OTOF: variants seen among roughly 807,000 people sequenced by gnomAD.
OTOF encodes the protein otoferlin.
OTOF carries 218 observed loss-of-function variants against 236.8 expected under a neutral mutation model. That is an observed-to-expected ratio of 0.92 (90% confidence interval 0.82 to 1.03). The LOEUF is 1.03. Ranked by LOEUF, OTOF falls within the 50% of genes least tolerant of loss-of-function variation. The pLI, the probability that OTOF is intolerant of heterozygous loss-of-function variation, is 0.00. For missense variants in OTOF, 2,590 were observed against 2,694.4 expected, an observed-to-expected ratio of 0.96 and a Z score of 0.86; for synonymous variants, 1,041 against 1,072.5, an observed-to-expected ratio of 0.97 and a Z score of 0.57.
chr2:26,553,951 T>C (rs780723396), intron 1 of OTOF, among the ~76,000 whole-genome samples: 1 of 152,000 alleles, frequency 6.6e-6, no homozygotes, highest in Admixed American at 6.6e-5. Context: ...GGCAGGCGGA[T>C]CATGAGGTCA....
intron 5 of OTOF, among the ~76,000 whole-genome samples, chr2:26,514,189 C>A (rs1029540839): frequency 1.3e-5 from 2 of 152,410 alleles, no homozygotes; most frequent in East Asian, 3.9e-4. Context: ...CAAACCTGGG[C>A]TGGCAGCCCC....
chr2:26,554,810 G>A (rs1183141124), intron 1 of OTOF, among the ~76,000 whole-genome samples: 1 of 152,154 alleles, frequency 6.6e-6, no homozygotes, highest in African/African-American at 2.4e-5. Flanking sequence ...ATGAAAAGGT[G>A]GAGGGGGATG....
At chr2:26,505,140 T>C (rs1666215954) in intron 5 of OTOF, among the ~76,000 whole-genome samples, 1 of 152,180 alleles carries the variant, frequency 6.6e-6, no homozygotes, top group Non-Finnish European at 1.5e-5. Context: ...TTACTGTTCA[T>C]ATGCAGGACA....
Position 26,558,749 on chromosome 2 carries a change from C to A in OTOF, c.-178G>T, listed in dbSNP as rs1018398194. 7 of 590,704 alleles carry A rather than the reference C, an allele frequency of 1.2e-5. No homozygotes were observed. Among genetic ancestry groups the A allele is most frequent in the Non-Finnish European group, 2.1e-5 (7 of 329,054 alleles). 36.6% of individuals were successfully genotyped at this position (590,704 alleles called of 1,614,324 possible). ...AAGCCGAGCTAAGCTGCTCCTGCAGCGACTCACAGAGCCTCACAGCCCCCG... is the reference window on the plus strand; with the variant it reads ...AAGCCGAGCTAAGCTGCTCCTGCAGAGACTCACAGAGCCTCACAGCCCCCG... On this transcript the variant is annotated 5_prime_UTR_variant, in exon 1 of 47. Transcript: ENST00000272371.
At chr2:26,516,307 C>T in intron 5 of OTOF, 111 bp downstream of exon 5, 3 of 1,007,922 alleles carry the variant, frequency 3.0e-6, no homozygotes, top group Non-Finnish European at 4.5e-6. Context: ...AAGCTCAGCC[C>T]TGTACTCTGA....
intron 2 of OTOF, among the ~76,000 whole-genome samples, chr2:26,528,772 G>A (rs763728579): frequency 1.3e-5 from 2 of 152,196 alleles, no homozygotes; most frequent in African/African-American, 2.4e-5. Flanking sequence ...CACCTTCCTG[G>A]GATGGGAAAG....
intron 1 of OTOF, among the ~76,000 whole-genome samples, chr2:26,551,397 T>C (rs755944004): frequency 6.6e-6 from 1 of 152,228 alleles, no homozygotes; most frequent in African/African-American, 2.4e-5. Flanking sequence ...TTCCGGGCTC[T>C]AGGGGCCAAC....
intron 1 of OTOF, among the ~76,000 whole-genome samples, chr2:26,545,589 T>C (rs891319327): frequency 2.0e-5 from 3 of 152,150 alleles, no homozygotes; most frequent in Non-Finnish European, 4.4e-5. Context: ...TTATGTTTAG[T>C]CTTTTAAAAT....
At chr2:26,464,185 C>T (rs1664619088) in intron 39 of OTOF, 79 bp from the exon 40 acceptor site, 27 of 1,553,500 alleles carry the variant, frequency 1.7e-5, no homozygotes, top group Non-Finnish European at 2.2e-5. Context: ...GACTTAGGAG[C>T]ACAAAGAAGC....
At chr2:26,495,376 A>G (rs1285199825) in intron 8 of OTOF, among the ~76,000 whole-genome samples, 1 of 152,222 alleles carries the variant, frequency 6.6e-6, no homozygotes, top group Non-Finnish European at 1.5e-5. Context: ...ACTGATGCCC[A>G]GGCCACCTCC....
chr2:26,546,860 A>G (rs949513816), intron 1 of OTOF, among the ~76,000 whole-genome samples: 1 of 151,826 alleles, frequency 6.6e-6, no homozygotes, highest in Non-Finnish European at 1.5e-5. Flanking sequence ...ATATATCCTG[A>G]AAACTTGCTA....
At chr2:26,466,275 G>C in intron 36 of OTOF, 199 bp from the exon 37 acceptor site, 2 of 647,138 alleles carry the variant, frequency 3.1e-6, no homozygotes, top group Non-Finnish European at 5.5e-6. Context: ...AAAAGATAAA[G>C]ACTAGACCAA....
In OTOF at chr2:26,467,080, C is replaced by T; in HGVS notation, c.4362+19G>A. 1.9e-6 allele frequency: 3 copies of T among 1,611,256 alleles called. No individual in the cohort carries two copies. Among genetic ancestry groups the T allele is most frequent in the Non-Finnish European group, 1.7e-6 (2 of 1,179,770 alleles). On this transcript the variant is annotated intron_variant, in intron 35 of 46. Coordinates refer to ENST00000272371, the MANE Select transcript of OTOF (RefSeq NM_194248.3). ...AGGGCTGGCGGGTGCTCAGGCTGGG[C>T]CCGTGCTCCTGGCCTGACCTTGAAG... is the stretch of plus-strand genomic sequence containing the variant.
rs1212517593 is a variant in OTOF, at chr2:26,467,403, C to A, written c.4189G>T (p.Ala1397Ser). The change falls in exon 34 of 47, where the codon GCC (alanine) becomes TCC (serine). Residue 1397 changes from alanine (A) to serine (S), a missense_variant. By Grantham distance (99) the Ala-to-Ser change is moderately conservative. Coordinates refer to ENST00000272371, the MANE Select transcript of OTOF (RefSeq NM_194248.3). ...ATCTTGGGTTTCTTCTTCTCGGGGG[C>A]CTCGGACCCCTGGCCAGAGCCAGAG... ...QSSGSGQGSE[A>S]PEKKKPKIDE... 1 of 1,613,854 alleles carries A rather than the reference C, an allele frequency of 6.2e-7. No individual in the cohort carries two copies. The highest frequency in any genetic ancestry group is 1.1e-5 in the South Asian group (1 of 91,040).
intron 8 of OTOF, among the ~76,000 whole-genome samples, chr2:26,499,165 C>A (rs1237018249): frequency 6.6e-6 from 1 of 152,150 alleles, no homozygotes; most frequent in Non-Finnish European, 1.5e-5. Context: ...AAGCGTTGCT[C>A]ACTCTGGTGG....
chr2:26,543,985 T>C (rs1189717740), intron 1 of OTOF, among the ~76,000 whole-genome samples: 3 of 152,250 alleles, frequency 2.0e-5, no homozygotes, highest in Non-Finnish European at 4.4e-5. Context: ...CCTCCCAAAA[T>C]GCTAGGATTA....
intron 30 of OTOF, 198 bp downstream of exon 30, chr2:26,472,321 A>G (rs1665026642): frequency 6.0e-6 from 4 of 667,024 alleles, no homozygotes; most frequent in Non-Finnish European, 1.1e-5. Flanking sequence ...TTTACATACC[A>G]CACGCACGCG....
intron 3 of OTOF, 39 bp downstream of exon 3, chr2:26,527,793 C>T (rs918789889): frequency 1.1e-5 from 16 of 1,458,090 alleles, no homozygotes; most frequent in African/African-American, 2.8e-5. Context: ...GCTCCCAGCC[C>T]GTCCAGGCCC....
intron 35 of OTOF, 26 bp downstream of exon 35, chr2:26,467,073 G>A (rs1215629867): frequency 5.6e-6 from 9 of 1,610,720 alleles, no homozygotes; most frequent in Admixed American, 3.3e-5. Flanking sequence ...CGGGTGCTCA[G>A]GCTGGGCCCG....
Sources: allele counts gnomAD v4.1 joint callset (sites outside exome capture counted in the v4.1 genomes callset), GRCh38; gene constraint gnomAD v4.1.1; transcripts MANE v1.5; gene names NCBI Gene and HGNC (gene_info 2026-07-23, HGNC 2026-07-21).